COL28A1: variants seen among roughly 807,000 people sequenced by gnomAD.
COL28A1 encodes collagen alpha-1(XXVIII) chain.
In COL28A1, 161 loss-of-function variants were observed where a neutral mutation model predicts 150.2. The observed-to-expected ratio is 1.07, with a 90% CI of 0.94 to 1.22. The LOEUF (loss-of-function observed/expected upper bound fraction) is 1.22, where lower values mean the gene tolerates loss of function less well. Ranked by LOEUF, COL28A1 falls within the 50% of genes most tolerant of loss-of-function variation. The pLI is 0.00. For missense variants in COL28A1, 1,617 were observed against 1,388.3 expected (o/e 1.16, Z -2.62); for synonymous variants, 552 against 469.7 (o/e 1.18, Z -2.26).
intron 23 of COL28A1, among the ~76,000 whole-genome samples, chr7:7,433,520 G>C (rs1213414548): frequency 2.6e-5 from 4 of 151,728 alleles, no homozygotes; most frequent in Non-Finnish European, 4.4e-5. Context: ...TGTAATCCCA[G>C]CTACTCAGGA....
chr7:7,488,797 G>C (rs1303238939), intron 13 of COL28A1, among the ~76,000 whole-genome samples: 1 of 152,162 alleles, frequency 6.6e-6, no homozygotes, highest in Non-Finnish European at 1.5e-5. Context: ...CATTAGGCTT[G>C]AGTCCAGATC....
chr7:7,445,229 A>C (rs1786158193), intron 18 of COL28A1, among the ~76,000 whole-genome samples: 2 of 152,176 alleles, frequency 1.3e-5, no homozygotes, highest in Non-Finnish European at 2.9e-5. Context: ...GACTAATACA[A>C]CGGGTACTAT....
At chr7:7,388,149 C>T (rs562097145) in intron 27 of COL28A1, among the ~76,000 whole-genome samples, 4 of 152,126 alleles carry the variant, frequency 2.6e-5, no homozygotes, top group Admixed American at 2.6e-4. Flanking sequence ...TCTCCTAATG[C>T]TATCCCTCCC....
rs567064725 is a variant in COL28A1, at chr7:7,433,666, C to G, written c.1861-966G>C. Among the ~76,000 whole-genome samples the G allele has an allele frequency of 2.0e-5, 3 of 147,608 alleles. No homozygotes were observed. The South Asian group carries it at 6.8e-4, about 33-fold the overall frequency. On this transcript the variant is annotated intron_variant, in intron 23 of 34. Coordinates refer to ENST00000399429, the MANE Select transcript of COL28A1 (RefSeq NM_001037763.3). Reference sequence around the variant, plus strand: ...AAAAAAAAAAAAAAAAGATTACCTACAAGTCCATTACACTTTTATTTAAAA... The same window carrying G: ...AAAAAAAAAAAAAAAAGATTACCTAGAAGTCCATTACACTTTTATTTAAAA...
chr7:7,518,018 A>T (rs1480182610), intron 6 of COL28A1, among the ~76,000 whole-genome samples, 181 bp from the exon 7 acceptor site: 2 of 152,080 alleles, frequency 1.3e-5, no homozygotes, highest in African/African-American at 4.8e-5. Flanking sequence ...AACTCAGATA[A>T]ACTTTGCCCT....
intron 11 of COL28A1, among the ~76,000 whole-genome samples, chr7:7,498,223 A>T (rs55723887): frequency 0.026 from 3,998 of 152,228 alleles, 163 homozygotes; most frequent in African/African-American, 0.092. Context: ...AATCTGAGAA[A>T]ATGCAAGTCA....
At chr7:7,480,933 C>G (rs1253737554) in intron 13 of COL28A1, among the ~76,000 whole-genome samples, 1 of 152,196 alleles carries the variant, frequency 6.6e-6, no homozygotes, top group African/African-American at 2.4e-5. Context: ...ATAATAGTAT[C>G]TACCTCAACC....
In COL28A1 at chr7:7,437,528, A is replaced by G. The variant is rs1351580071; in HGVS notation, c.1723-66T>C. 2.6e-6 allele frequency: 4 copies of G among 1,538,070 alleles called. No homozygotes were observed. In the African/African-American group the frequency reaches 4.2e-5, roughly 16 times the overall value. Reference sequence around the variant, plus strand: ...AAGCACATATAGAGACAATATTAAGAAAAGTACAGAAATGTCTGCAGATTT... The same window carrying G: ...AAGCACATATAGAGACAATATTAAGGAAAGTACAGAAATGTCTGCAGATTT... On this transcript the variant is annotated intron_variant, in intron 21 of 34. Coordinates refer to ENST00000399429, the MANE Select transcript of COL28A1 (RefSeq NM_001037763.3).
chr7:7,532,648 T>C (rs1454212798), intron 2 of COL28A1, 104 bp downstream of exon 2: 2 of 1,398,694 alleles, frequency 1.4e-6, no homozygotes, highest in Admixed American at 2.4e-5. Flanking sequence ...ATCACATGTA[T>C]ACATGTATAT....
intron 30 of COL28A1, among the ~76,000 whole-genome samples, chr7:7,379,224 C>CAT (rs1781731652): frequency 6.6e-6 from 1 of 152,206 alleles, no homozygotes; most frequent in African/African-American, 2.4e-5. Context: ...CTAACATGTA[C>CAT]TGATGTACAG....
intron 11 of COL28A1, among the ~76,000 whole-genome samples, chr7:7,502,693 T>C (rs1471125963): frequency 2.8e-5 from 2 of 70,594 alleles, no homozygotes; most frequent in African/African-American, 1.3e-4. Context: ...TTCCCTTCCT[T>C]TTTTTTTTTT....
chr7:7,439,830 A>G (rs1055365931), intron 21 of COL28A1, among the ~76,000 whole-genome samples: 1 of 152,242 alleles, frequency 6.6e-6, no homozygotes, highest in Non-Finnish European at 1.5e-5. Flanking sequence ...GATGGTAACA[A>G]GAAATCTGGA....
At chr7:7,504,185 A>T (rs1160568419) in intron 11 of COL28A1, among the ~76,000 whole-genome samples, 1 of 152,198 alleles carries the variant, frequency 6.6e-6, no homozygotes, top group Non-Finnish European at 1.5e-5. Context: ...TTTAACCCTA[A>T]GTGATAACAC....
rs144676108 is a variant in COL28A1, at chr7:7,487,097, G to A, written c.1164+2292C>T. Among the ~76,000 whole-genome samples, 560 of 152,006 alleles carry A rather than the reference G, an allele frequency of 3.7e-3. 4 individuals carry two copies. Among genetic ancestry groups the A allele is most frequent in the African/African-American group, 0.01 (428 of 41,474 alleles). On this transcript the variant is annotated intron_variant, in intron 13 of 34. Transcript: ENST00000399429. ...TACTAAGTATAATTGTCTACCTGGC[G>A]GAGGTTTACCAACTCATTCTCTATA...
chr7:7,401,448 T>C (rs1222411604), intron 27 of COL28A1, among the ~76,000 whole-genome samples: 1 of 152,220 alleles, frequency 6.6e-6, no homozygotes, highest in Non-Finnish European at 1.5e-5. Context: ...GATTTAGCTG[T>C]ACATGCCCAA....
rs751719841 is a variant in COL28A1, at chr7:7,360,501, C to T, written c.3094G>A (p.Asp1032Asn). 1.9e-6 allele frequency: 3 copies of T among 1,605,862 alleles called. No individual in the cohort carries two copies. The highest frequency in any genetic ancestry group is 2.3e-5 in the East Asian group (1 of 44,342). Residue 1032 changes from aspartate to asparagine, a missense_variant, in exon 34 of 35, where the codon GAT (aspartate) becomes AAT (asparagine). Transcript: ENST00000399429. ...SLSVTRDQDEDDKAPEPTWAD... is the reference protein window; with the variant it reads ...SLSVTRDQDENDKAPEPTWAD... Reference sequence around the variant, plus strand: ...CACGTTGGCTCTGGAGCCTTATCATCTTCATCCTGGTCTCTGGTGACACTC... The same window carrying T: ...CACGTTGGCTCTGGAGCCTTATCATTTTCATCCTGGTCTCTGGTGACACTC...
At chr7:7,350,966 T>G in the COL28A1 span, among the ~76,000 whole-genome samples, 1 of 152,038 alleles carries the variant, frequency 6.6e-6, no homozygotes, top group South Asian at 2.1e-4. Context: ...CAGAGAAAAA[T>G]AGAGAAAGTC....
At chr7:7,387,460 G>C (rs919327419) in intron 27 of COL28A1, among the ~76,000 whole-genome samples, 21 of 152,042 alleles carry the variant, frequency 1.4e-4, no homozygotes, top group African/African-American at 5.1e-4. Flanking sequence ...ATAATTTTCT[G>C]ATGTTTATTA....
At chr7:7,442,783 TC>T (rs1785914806) in intron 20 of COL28A1, among the ~76,000 whole-genome samples, 1 of 152,124 alleles carries the variant, frequency 6.6e-6, no homozygotes, top group Non-Finnish European at 1.5e-5. Flanking sequence ...ACACCCATAA[TC>T]CCAGCACTTT....
Sources: allele counts gnomAD v4.1 joint callset (sites outside exome capture counted in the v4.1 genomes callset), GRCh38; gene constraint gnomAD v4.1.1; transcripts MANE v1.5; gene names NCBI Gene and HGNC (gene_info 2026-07-23, HGNC 2026-07-21).